TEAD1: variants seen among roughly 807,000 people sequenced by gnomAD.
TEAD1 encodes the protein transcriptional enhancer factor TEF-1.
Under a neutral mutation model 54.9 loss-of-function variants are expected in TEAD1, and 9 were observed. The observed-to-expected ratio is 0.16, with a 90% CI of 0.10 to 0.29. TEAD1 has a LOEUF of 0.29. Among genes scored for constraint, TEAD1 ranks in the 10% least tolerant of loss-of-function variants. TEAD1 has a pLI of 1.00. For synonymous variants in TEAD1, 200 were observed against 187.8 expected (o/e 1.07, Z -0.53); for missense variants, 387 against 535.9 (o/e 0.72, Z 2.74).
At chr11:12,776,904 C>T (rs745462659) in intron 3 of TEAD1, among the ~76,000 whole-genome samples, 3 of 151,994 alleles carry the variant, frequency 2.0e-5, no homozygotes, top group Admixed American at 6.6e-5. Flanking sequence ...AAGTGATTCT[C>T]CTGCCTCAGC....
At chr11:12,775,983 C>T (rs917919151) in intron 3 of TEAD1, among the ~76,000 whole-genome samples, 15 of 151,950 alleles carry the variant, frequency 9.9e-5, no homozygotes, top group African/African-American at 3.6e-4. Flanking sequence ...GGGGGGTTCA[C>T]CCGGGGAAGT....
intron 5 of TEAD1, among the ~76,000 whole-genome samples, chr11:12,870,632 TC>T (rs1227026216): frequency 6.6e-6 from 1 of 152,166 alleles, no homozygotes; most frequent in Non-Finnish European, 1.5e-5. Flanking sequence ...ACGCCTGTAA[TC>T]CTAGCACTTC....
At chr11:12,719,348 GCTTC>G (rs1944131206) in intron 2 of TEAD1, among the ~76,000 whole-genome samples, 6 of 152,014 alleles carry the variant, frequency 3.9e-5, no homozygotes, top group African/African-American at 7.3e-5. Context: ...AGGGAAAGTG[GCTTC>G]TATATGCTCA....
intron 2 of TEAD1, among the ~76,000 whole-genome samples, chr11:12,733,868 A>G (rs1392322408): frequency 6.6e-5 from 10 of 152,228 alleles, no homozygotes; most frequent in African/African-American, 2.4e-4. Flanking sequence ...GACTCTGTGT[A>G]GGCCTAGGCT....
At chr11:12,910,936 G>A (rs1948606965) in intron 10 of TEAD1, among the ~76,000 whole-genome samples, 2 of 151,950 alleles carry the variant, frequency 1.3e-5, no homozygotes, top group African/African-American at 2.4e-5. Context: ...TGGTAGAGAT[G>A]GGGTTTCGCC....
At chr11:12,784,768 AG>A (rs915128522) in intron 3 of TEAD1, among the ~76,000 whole-genome samples, 1 of 152,150 alleles carries the variant, frequency 6.6e-6, no homozygotes, top group African/African-American at 2.4e-5. Context: ...CCTTTCCTTA[AG>A]TCAAAGCTGG....
chr11:12,720,299 T>A (rs991642967), intron 2 of TEAD1, among the ~76,000 whole-genome samples: 2 of 152,126 alleles, frequency 1.3e-5, no homozygotes, highest in African/African-American at 2.4e-5. Flanking sequence ...GTTAATACAT[T>A]AAGTGTTTTT....
chr11:12,902,290 A>ATGC (rs1179801493), intron 10 of TEAD1, among the ~76,000 whole-genome samples, 177 bp downstream of exon 10: 5 of 152,246 alleles, frequency 3.3e-5, no homozygotes, highest in African/African-American at 1.2e-4. Context: ...TGCCGGCCTT[A>ATGC]TGCATCCACA....
At chr11:12,736,456 T>C (rs1183425475) in intron 2 of TEAD1, among the ~76,000 whole-genome samples, 1 of 151,950 alleles carries the variant, frequency 6.6e-6, no homozygotes, top group East Asian at 1.9e-4. Flanking sequence ...GATATTTTGC[T>C]GAATTCAAAA....
At chr11:12,840,604 C>T (rs1395704659) in intron 3 of TEAD1, among the ~76,000 whole-genome samples, 1 of 152,288 alleles carries the variant, frequency 6.6e-6, no homozygotes, top group East Asian at 1.9e-4. Flanking sequence ...GCTGTGTGCT[C>T]TTCCTGCAGT....
intron 10 of TEAD1, chr11:12,905,106 A>T (rs1948496030): frequency 6.5e-6 from 1 of 152,884 alleles, no homozygotes; most frequent in Admixed American, 6.5e-5. Context: ...GTAATTTCAA[A>T]TTCAACAGTA....
intron 2 of TEAD1, among the ~76,000 whole-genome samples, chr11:12,753,526 C>T (rs1944921036): frequency 6.6e-6 from 1 of 152,148 alleles, no homozygotes; most frequent in Non-Finnish European, 1.5e-5. Context: ...ATGTTGAACA[C>T]CTTTTCATAT....
intron 3 of TEAD1, among the ~76,000 whole-genome samples, chr11:12,843,976 T>A (rs1296604042): frequency 6.6e-6 from 1 of 152,232 alleles, no homozygotes; most frequent in Non-Finnish European, 1.5e-5. Flanking sequence ...ATTACCTTGT[T>A]GCTTAAAAAT....
chr11:12,752,033 G>A (rs989404744), intron 2 of TEAD1, among the ~76,000 whole-genome samples: 10 of 152,230 alleles, frequency 6.6e-5, no homozygotes, highest in Middle Eastern at 3.4e-3. Context: ...GATGAGCAGC[G>A]TCTTCCACAT....
Position 12,790,241 on chromosome 11 carries a change from G to T in TEAD1, c.202+25807G>T, listed in dbSNP as rs529104155. 2.0e-5 allele frequency among the ~76,000 whole-genome samples: 3 copies of T among 152,330 alleles called. No homozygotes were observed. The South Asian group carries it at 6.2e-4, about 32-fold the overall frequency. ...CAGCAGGGCCAGAGCCTAAGGTTTT[G>T]TTTTCTCCCAGCCTGATGGGACTGT... On this transcript the variant is annotated intron_variant, in intron 3 of 12. Transcript: ENST00000527636.
intron 2 of TEAD1, among the ~76,000 whole-genome samples, chr11:12,750,045 G>A (rs1210897054): frequency 6.6e-6 from 1 of 152,196 alleles, no homozygotes; most frequent in East Asian, 1.9e-4. Flanking sequence ...CGTTTAAAGG[G>A]TGGGGACTTG....
chr11:12,737,051 C>G (rs1944548362), intron 2 of TEAD1, among the ~76,000 whole-genome samples: 1 of 152,052 alleles, frequency 6.6e-6, no homozygotes, highest in African/African-American at 2.4e-5. Flanking sequence ...TCTACTTGTT[C>G]TGTTGGACAG....
chr11:12,851,176 TAAAAA>T (rs966549495), intron 3 of TEAD1: 1 of 817,826 alleles, frequency 1.2e-6, no homozygotes, highest in African/African-American at 1.9e-5. Context: ...CGTGGAATCT[TAAAAA>T]AAAGTCATAC....
chr11:12,908,020 T>C (rs976621574), intron 10 of TEAD1, among the ~76,000 whole-genome samples: 2 of 152,154 alleles, frequency 1.3e-5, no homozygotes, highest in African/African-American at 4.8e-5. Flanking sequence ...GGAGCTAAGG[T>C]GTATTTTCAT....
Sources: allele counts gnomAD v4.1 joint callset (sites outside exome capture counted in the v4.1 genomes callset), GRCh38; gene constraint gnomAD v4.1.1; transcripts MANE v1.5; gene names NCBI Gene and HGNC (gene_info 2026-07-23, HGNC 2026-07-21).